Variants in HAUS5 observed in about 807,000 individuals in gnomAD.
HAUS5 encodes the protein HAUS augmin like complex subunit 5.
Under a neutral mutation model 94.1 loss-of-function variants are expected in HAUS5, and 67 were observed. The observed-to-expected ratio is 0.71, with a 90% CI of 0.58 to 0.87. The LOEUF (loss-of-function observed/expected upper bound fraction) is 0.87, where lower values mean the gene tolerates loss of function less well. Ranked by LOEUF, HAUS5 falls within the 40% of genes least tolerant of loss-of-function variation. The probability of loss-of-function intolerance (pLI) is 0.00; values close to 1 mark genes in which losing one functional copy is unlikely to be tolerated. For missense variants in HAUS5, 739 were observed against 825.6 expected, an observed-to-expected ratio of 0.90 and a Z score of 1.29; for synonymous variants, 339 against 355.4, an observed-to-expected ratio of 0.95 and a Z score of 0.52.
intron 12 of HAUS5, 79 bp downstream of exon 12, chr19:35,618,778 G>C: frequency 2.0e-6 from 3 of 1,527,428 alleles, no homozygotes; most frequent in Non-Finnish European, 2.6e-6. Context: ...TTCAGCCTCT[G>C]TGGCTCCTAT....
rs896300832 is a variant in HAUS5, at chr19:35,624,643, G to A, written c.*1650G>A. 2.6e-5 allele frequency: 4 copies of A among 151,924 alleles called. No individual in the cohort carries two copies. Among genetic ancestry groups the A allele is most frequent in the Admixed American group, 1.3e-4 (2 of 15,216 alleles). 9.4% of individuals were successfully genotyped at this position (151,924 alleles called of 1,614,324 possible). Reference sequence around the variant, plus strand: ...TAATATTTGTATTTTTTGTAGAGTCGGAGCTTTACCATGTTGGTCAGGCTG... The same window carrying A: ...TAATATTTGTATTTTTTGTAGAGTCAGAGCTTTACCATGTTGGTCAGGCTG... On this transcript the variant is annotated 3_prime_UTR_variant, in exon 19 of 19. Coordinates refer to ENST00000203166, the MANE Select transcript of HAUS5 (RefSeq NM_015302.2).
chr19:35,618,848 C>A, intron 12 of HAUS5, 39 bp from the exon 13 acceptor site: 1 of 1,560,508 alleles, frequency 6.4e-7, no homozygotes, highest in South Asian at 1.2e-5. Context: ...GTGGCTCAGT[C>A]ACCCTTCTCT....
At chr19:35,616,663 G>T (rs1023040119) in intron 6 of HAUS5, among the ~76,000 whole-genome samples, 14 of 152,008 alleles carry the variant, frequency 9.2e-5, no homozygotes, top group Non-Finnish European at 1.6e-4. Flanking sequence ...GATTATAGGC[G>T]CATGCCACTG....
chr19:35,617,185 G>A lies in HAUS5; in HGVS notation c.547G>A (p.Val183Met), dbSNP rs200911311. ...GTCGGCAGCTCTGGGCCTGGAGCCC[G>A]TGGTCCTGGTAAGAGTCCTGGTCAT... ...LTSAALGLEP[V>M]VLRDVRTACT... Residue 183 changes from valine (V) to methionine (M), a missense_variant, in exon 7 of 19, where the codon GTG becomes ATG. Physicochemically the swap from Val to Met is conservative, Grantham distance 21. Coordinates refer to ENST00000203166, the MANE Select transcript of HAUS5 (RefSeq NM_015302.2). The A allele has an allele frequency of 4.1e-5, 66 of 1,613,908 alleles. No individual in the cohort carries two copies. Among genetic ancestry groups the A allele is most frequent in the South Asian group, 2.2e-4 (20 of 91,090 alleles).
chr19:35,614,903 T>C (rs2071927500), intron 4 of HAUS5, 139 bp from the exon 5 acceptor site: 1 of 621,176 alleles, frequency 1.6e-6, no homozygotes, highest in Non-Finnish European at 2.8e-6. Flanking sequence ...AGGGAGCCAA[T>C]ACCCTAATGC....
Position 35,619,657 on chromosome 19 carries a change from A to G in HAUS5, c.1305A>G (p.Ala435=). 2.6e-6 allele frequency: 4 copies of G among 1,517,896 alleles called. No individual in the cohort carries two copies. Among genetic ancestry groups the G allele is most frequent in the Non-Finnish European group, 3.6e-6 (4 of 1,125,432 alleles). 94.0% of individuals were successfully genotyped at this position (1,517,896 alleles called of 1,614,324 possible). A position where few individuals can be genotyped will look rare whatever the true frequency, so the allele number is the denominator to read the frequency against. Residue 435 remains alanine (A), a synonymous_variant, in exon 15 of 19, where the codon GCA becomes GCG. Transcript: ENST00000203166. ...GAAAGGTGGTCCCTACATTTGAGGCAGTGGCACCACAGAGCCGGGAGCTGC... is the reference window on the plus strand; with the variant it reads ...GAAAGGTGGTCCCTACATTTGAGGCGGTGGCACCACAGAGCCGGGAGCTGC... ...VQRKVVPTFE[A]VAPQSRELLR... is the part of the protein sequence containing the mutation.
chr19:35,613,733 G>C lies in HAUS5; in HGVS notation c.102G>C (p.Leu34=). 1 of 1,614,002 alleles carries C rather than the reference G, an allele frequency of 6.2e-7. No individual in the cohort carries two copies. Among genetic ancestry groups the C allele is most frequent in the East Asian group, 2.2e-5 (1 of 44,882 alleles). The part of the protein sequence containing the change: ...ARAPESTLRR[L]CLGQGADIWA... ...TGCTTACACACTGTCCCCACAGGCTGTGTCTGGGCCAGGGGGCTGACATCT... is the reference window on the plus strand; with the variant it reads ...TGCTTACACACTGTCCCCACAGGCTCTGTCTGGGCCAGGGGGCTGACATCT... The change falls in exon 2 of 19, where the codon CTG becomes CTC. Residue 34 remains leucine, a synonymous_variant. Transcript: ENST00000203166.
intron 2 of HAUS5, 28 bp downstream of exon 2, chr19:35,613,820 G>A (rs758294262): frequency 2.2e-5 from 35 of 1,613,844 alleles, no homozygotes; most frequent in Non-Finnish European, 3.0e-5. Context: ...AGGGGAGGGG[G>A]CACAGGTGAG....
chr19:35,618,041 C>G, intron 9 of HAUS5, 30 bp from the exon 10 acceptor site: 1 of 1,583,362 alleles, frequency 6.3e-7, no homozygotes, highest in African/African-American at 1.3e-5. Context: ...TGCCCCGATC[C>G]TGCCCTGACT....
chr19:35,618,710 C>T lies in HAUS5; in HGVS notation c.1016+11C>T, dbSNP rs1246118944. 3.2e-6 allele frequency: 5 copies of T among 1,572,038 alleles called. No individual in the cohort carries two copies. The East Asian group carries it at 1.1e-4, about 35-fold the overall frequency. On this transcript the variant is annotated intron_variant, in intron 12 of 18. Coordinates refer to ENST00000203166, the MANE Select transcript of HAUS5 (RefSeq NM_015302.2). ...GGGATCCAGTGAGAGGTGGGGGGCT[C>T]TCCGAGAAGAGGTCTCTAGGCCATC...
chr19:35,624,102 G>GTTTTTTTTTTTTTTTTTTTTTTTTTTTT lies in HAUS5; in HGVS notation c.*1129_*1130insTTTTTTTTTTTTTTTTTTTTTTTTTTTT, dbSNP rs55750807. ...GTCATATCTGTTCTTGTTTTCTTTT[G>GTTTTTTTTTTTTTTTTTTTTTTTTTTTT]TTTTTTTTTTTTTTTTTTTTGAGAT... On this transcript the variant is annotated 3_prime_UTR_variant, in exon 19 of 19. Coordinates refer to ENST00000203166, the MANE Select transcript of HAUS5 (RefSeq NM_015302.2). The GTTTTTTTTTTTTTTTTTTTTTTTTTTTT allele has an allele frequency of 9.6e-6, 1 of 103,980 alleles. No individual in the cohort carries two copies. 6.4% of individuals were successfully genotyped at this position (103,980 alleles called of 1,614,324 possible).
Position 35,623,349 on chromosome 19 carries a change from A to C in HAUS5, c.*356A>C. On this transcript the variant is annotated 3_prime_UTR_variant, in exon 19 of 19. Transcript: ENST00000203166. ...AGTTTACAAGATAAGGAAAATATAT[A>C]TGTAGTATGCTGCAAGTTAACTGCT... 1 of 212,330 alleles carries C rather than the reference A, an allele frequency of 4.7e-6. No individual in the cohort carries two copies. The highest frequency in any genetic ancestry group is 1.3e-4 in the East Asian group (1 of 7,624). 13.2% of individuals were successfully genotyped at this position (212,330 alleles called of 1,614,324 possible).
At chr19:35,618,266 C>T in intron 10 of HAUS5, 71 bp downstream of exon 10, 1 of 1,599,530 alleles carries the variant, frequency 6.3e-7, no homozygotes, top group South Asian at 1.1e-5. Context: ...CCTCAGGACC[C>T]CTGGCCCAGC....
chr19:35,615,472 G>T, intron 6 of HAUS5, 86 bp downstream of exon 6: 1 of 1,098,228 alleles, frequency 9.1e-7, no homozygotes. Flanking sequence ...TCCCTTCTTG[G>T]GTTCCAGAAT....
Position 35,624,105 on chromosome 19 carries a change from T to TG in HAUS5, c.*1112_*1113insG, listed in dbSNP as rs1555716012. On this transcript the variant is annotated 3_prime_UTR_variant, in exon 19 of 19. Transcript: ENST00000203166. Reference sequence around the variant, plus strand: ...ATATCTGTTCTTGTTTTCTTTTGTTTTTTTTTTTTTTTTTTTTGAGATGCA... The same window carrying TG: ...ATATCTGTTCTTGTTTTCTTTTGTTTGTTTTTTTTTTTTTTTTTGAGATGCA... 1 of 141,300 alleles carries TG rather than the reference T, an allele frequency of 7.1e-6. No homozygotes were observed. The highest frequency in any genetic ancestry group is 2.0e-4 in the East Asian group (1 of 4,946). 8.8% of individuals were successfully genotyped at this position (141,300 alleles called of 1,614,324 possible). A position where few individuals can be genotyped will look rare whatever the true frequency, so the allele number is the denominator to read the frequency against.
Position 35,620,197 on chromosome 19 carries a change from C to T in HAUS5, c.1521C>T (p.Ala507=). 9 of 1,613,590 alleles carry T rather than the reference C, an allele frequency of 5.6e-6. No individual in the cohort carries two copies. Among genetic ancestry groups the T allele is most frequent in the Non-Finnish European group, 7.6e-6 (9 of 1,179,690 alleles). Residue 507 remains alanine (A), a splice_region_variant and synonymous_variant, in exon 17 of 19, where the codon GCC becomes GCT. Coordinates refer to ENST00000203166, the MANE Select transcript of HAUS5 (RefSeq NM_015302.2). ...ACCGTCCTTCCCTCCTCCTCCAGGC[C>T]TCGGAGCTGCTCCTGCCGGCGGCTG... ...SHKLGLPPGK[A]SELLLPAAAS... is the part of the protein sequence containing the mutation.
chr19:35,617,155 C>G lies in HAUS5; in HGVS notation c.517C>G (p.Leu173Val). 1 of 1,613,992 alleles carries G rather than the reference C, an allele frequency of 6.2e-7. No individual in the cohort carries two copies. The highest frequency in any genetic ancestry group is 8.5e-7 in the Non-Finnish European group (1 of 1,179,886). ...KAKVDVTFGS[L>V]TSAALGLEPV... ...CAAAGTAGATGTGACCTTTGGATCCCTCACGTCGGCAGCTCTGGGCCTGGA... is the reference window on the plus strand; with the variant it reads ...CAAAGTAGATGTGACCTTTGGATCCGTCACGTCGGCAGCTCTGGGCCTGGA... The change falls in exon 7 of 19, where the codon CTC becomes GTC. Residue 173 changes from leucine (L) to valine (V), a missense_variant. By Grantham distance (32) the Leu-to-Val change is conservative (BLOSUM62 1). Coordinates refer to ENST00000203166, the MANE Select transcript of HAUS5 (RefSeq NM_015302.2).
Position 35,619,500 on chromosome 19 carries a change from G to A in HAUS5, c.1256G>A (p.Gly419Glu), listed in dbSNP as rs1967167970. ...AAGACCCGCCTGTGCCGGAGCCCGG[G>A]GGAGGTGAGATGGGAGTTGGGGTGA... ...ASKTRLCRSP[G>E]EVLALVQRKV... is the part of the protein sequence containing the mutation. Residue 419 changes from glycine to glutamate, a missense_variant, in exon 14 of 19, where the codon GGG (glycine) becomes GAG (glutamate). Coordinates refer to ENST00000203166, the MANE Select transcript of HAUS5 (RefSeq NM_015302.2). 6 of 1,610,004 alleles carry A rather than the reference G, an allele frequency of 3.7e-6. No homozygotes were observed. In the Admixed American group the frequency reaches 8.4e-5, roughly 22 times the overall value.
intron 17 of HAUS5, among the ~76,000 whole-genome samples, chr19:35,622,032 G>T (rs928272342): frequency 2.0e-5 from 3 of 152,188 alleles, no homozygotes; most frequent in Admixed American, 6.5e-5. Flanking sequence ...AGTGTTGGAG[G>T]GGCCTCCAGG....
Sources: allele counts gnomAD v4.1 joint callset (sites outside exome capture counted in the v4.1 genomes callset), GRCh38; gene constraint gnomAD v4.1.1; transcripts MANE v1.5; gene names NCBI Gene and HGNC (gene_info 2026-07-23, HGNC 2026-07-21).